Variants in TBX5 observed in about 807,000 individuals in gnomAD.
TBX5 encodes T-box transcription factor 5.
TBX5 carries 8 observed loss-of-function variants against 51.1 expected under a neutral mutation model. That is an observed-to-expected ratio of 0.16 (90% CI 0.09 to 0.28). The LOEUF (loss-of-function observed/expected upper bound fraction) is 0.28. Ranked by LOEUF, TBX5 falls within the 10% of genes least tolerant of loss-of-function variation. The pLI, the probability that TBX5 is intolerant of heterozygous loss-of-function variation, is 1.00. For missense variants in TBX5, 589 were observed against 671.7 expected (o/e 0.88, Z 1.36); for synonymous variants, 302 against 266.4 (o/e 1.13, Z -1.30).
chr12:114,367,964 C>A (rs1869645289), intron 7 of TBX5, among the ~76,000 whole-genome samples: 1 of 152,124 alleles, frequency 6.6e-6, no homozygotes, highest in Non-Finnish European at 1.5e-5. Flanking sequence ...CAGAGAGGCC[C>A]ATGGCATCAA....
upstream of TBX5, chr12:114,408,349 A>G (rs910334823): frequency 1.7e-5 from 7 of 402,116 alleles, no homozygotes; most frequent in Non-Finnish European, 2.4e-5. Context: ...AGAGGAGGGA[A>G]CTCTTCACGA....
chr12:114,382,389 G>C (rs1029926216), intron 7 of TBX5, among the ~76,000 whole-genome samples: 4 of 152,198 alleles, frequency 2.6e-5, no homozygotes, highest in Non-Finnish European at 5.9e-5. Context: ...GTTGGCCAGG[G>C]GCTGTGGGTA....
intron 5 of TBX5, among the ~76,000 whole-genome samples, chr12:114,395,988 CG>C (rs1281252283): frequency 6.6e-6 from 1 of 152,154 alleles, no homozygotes; most frequent in Non-Finnish European, 1.5e-5. Context: ...CGAATCGCCG[CG>C]TTTAACAGCC....
chr12:114,369,650 C>T (rs540066611), intron 7 of TBX5, among the ~76,000 whole-genome samples: 72 of 152,284 alleles, frequency 4.7e-4, no homozygotes, highest in South Asian at 4.1e-4. Context: ...GTTAGTATGA[C>T]AGAAATCTCT....
intron 8 of TBX5, among the ~76,000 whole-genome samples, chr12:114,365,339 T>C (rs2136372104): frequency 6.6e-6 from 1 of 152,130 alleles, no homozygotes; most frequent in East Asian, 1.9e-4. Context: ...TCAAGCAACC[T>C]CCCTGCCTAC....
chr12:114,404,917 C>T (rs1872103006), intron 1 of TBX5, among the ~76,000 whole-genome samples: 1 of 152,240 alleles, frequency 6.6e-6, no homozygotes, highest in African/African-American at 2.4e-5. Flanking sequence ...ATGCATAGAA[C>T]GGCCCGGGTT....
intron 7 of TBX5, among the ~76,000 whole-genome samples, chr12:114,381,331 T>A (rs1182005097): frequency 6.6e-6 from 1 of 152,104 alleles, no homozygotes; most frequent in Non-Finnish European, 1.5e-5. Flanking sequence ...ACCGGGTGTG[T>A]AGGGGACAGG....
intron 3 of TBX5, among the ~76,000 whole-genome samples, chr12:114,401,307 A>G (rs1463504641): frequency 1.3e-5 from 2 of 152,184 alleles, no homozygotes; most frequent in African/African-American, 4.8e-5. Flanking sequence ...AAACAATGAA[A>G]GAGGTAGCGA....
At position 114,370,231 on chromosome 12, in the gene TBX5, CAGAAAAGAAAAGAAA is replaced by C. The variant is rs71447929; in HGVS notation, c.756-3855_756-3841del. Among the ~76,000 whole-genome samples, 227 of 77,854 alleles carry C rather than the reference CAGAAAAGAAAAGAAA, an allele frequency of 2.9e-3. 2 individuals carry two copies. The highest frequency in any genetic ancestry group is 0.02 in the East Asian group (79 of 3,862). The allele number at this position is 77,854 out of a possible 152,430, so 51.1% of individuals were successfully genotyped here. Reference sequence around the variant, plus strand: ...GGATGACAAGAGTGAAACTCTGTCTCAGAAAAGAAAAGAAAAGAAAAGAAAAGAAAAGAAAAGAAA... The same window carrying C: ...GGATGACAAGAGTGAAACTCTGTCTCAGAAAAGAAAAGAAAAGAAAAGAAA... On this transcript the variant is annotated intron_variant, in intron 7 of 8. Transcript: ENST00000405440.
At chr12:114,395,610 C>T (rs1199142621) in intron 5 of TBX5, among the ~76,000 whole-genome samples, 2 of 152,116 alleles carry the variant, frequency 1.3e-5, no homozygotes, top group Non-Finnish European at 2.9e-5. Flanking sequence ...GGGCTGGTTG[C>T]CTTGGAAACT....
At chr12:114,401,798 C>A (rs372039580) in intron 3 of TBX5, 28 bp downstream of exon 3, 7 of 1,607,952 alleles carry the variant, frequency 4.4e-6, no homozygotes, top group Non-Finnish European at 5.1e-6. Context: ...TCTCCTCGTC[C>A]CTCTCTCTAC....
upstream of TBX5, among the ~76,000 whole-genome samples, chr12:114,406,396 G>T (rs897868170): frequency 6.6e-5 from 10 of 151,948 alleles, no homozygotes; most frequent in African/African-American, 2.4e-4. Flanking sequence ...CATTTCAAAC[G>T]CGGTCGGCTT....
chr12:114,384,842 G>A (rs1002999893), intron 7 of TBX5, among the ~76,000 whole-genome samples: 1 of 152,138 alleles, frequency 6.6e-6, no homozygotes, highest in Non-Finnish European at 1.5e-5. Context: ...TCAAGAGGTA[G>A]AGAGAATGTT....
At chr12:114,390,224 A>G (rs1322483350) in intron 6 of TBX5, among the ~76,000 whole-genome samples, 1 of 152,270 alleles carries the variant, frequency 6.6e-6, no homozygotes, top group Admixed American at 6.5e-5. Flanking sequence ...ATGTCAACAT[A>G]CAACATACAT....
chr12:114,369,581 G>A (rs772350393), intron 7 of TBX5, among the ~76,000 whole-genome samples: 3 of 152,148 alleles, frequency 2.0e-5, no homozygotes, highest in African/African-American at 7.2e-5. Flanking sequence ...AAACAACAGC[G>A]GGGCAATTTT....
chr12:114,386,683 G>T (rs182322143), intron 6 of TBX5, among the ~76,000 whole-genome samples: 4 of 152,164 alleles, frequency 2.6e-5, no homozygotes, highest in African/African-American at 9.7e-5. Flanking sequence ...CATATCCAAA[G>T]CTTGCCTTCT....
upstream of TBX5, chr12:114,408,025 G>A: frequency 1.0e-6 from 1 of 985,394 alleles, no homozygotes; most frequent in Non-Finnish European, 1.2e-6. Context: ...TTATTACCAG[G>A]CATACCCCAG....
In TBX5 at chr12:114,355,355, G is replaced by T; in HGVS notation, c.*177C>A. 1 of 798,738 alleles carries T rather than the reference G, an allele frequency of 1.3e-6. No homozygotes were observed. Among genetic ancestry groups the T allele is most frequent in the Non-Finnish European group, 2.1e-6 (1 of 476,848 alleles). 49.5% of individuals were successfully genotyped at this position (798,738 alleles called of 1,614,324 possible). On this transcript the variant is annotated 3_prime_UTR_variant, in exon 9 of 9. Coordinates refer to ENST00000405440, the MANE Select transcript of TBX5 (RefSeq NM_181486.4). ...AAGAAAGTCACATTTTTAAAATTGT[G>T]GTTTCAAGCTACTGATTAGATCAGC...
chr12:114,371,753 A>G (rs1369442631), intron 7 of TBX5, among the ~76,000 whole-genome samples: 1 of 152,090 alleles, frequency 6.6e-6, no homozygotes, highest in African/African-American at 2.4e-5. Flanking sequence ...AAAATTAAAA[A>G]GGGGGCCACA....
Sources: gnomAD v4.1 joint callset for allele counts (sites outside exome capture counted in the v4.1 genomes callset) on GRCh38, gnomAD v4.1.1 for gene constraint, MANE v1.5 for transcripts, NCBI Gene and HGNC (gene_info 2026-07-23, HGNC 2026-07-21) for gene names.